The following FGFR2 variants were observed in gnomAD, a reference collection of about 807,000 sequenced individuals.
FGFR2 encodes fibroblast growth factor receptor 2, also known as BEK fibroblast growth factor receptor.
FGFR2 carries 19 observed loss-of-function variants against 95.9 expected under a neutral mutation model. The observed-to-expected ratio is 0.20, with a 90% confidence interval of 0.14 to 0.29. FGFR2 has a LOEUF of 0.29. Ranked by LOEUF, FGFR2 falls within the 10% of genes least tolerant of loss-of-function variation. The probability of loss-of-function intolerance (pLI) is 1.00; values close to 1 mark genes in which losing one functional copy is unlikely to be tolerated. For missense variants in FGFR2, 707 were observed against 1,056.9 expected (o/e 0.67, Z 4.59); for synonymous variants, 392 against 393.3 (o/e 1.00, Z 0.04).
At chr10:121,571,509 G>C (rs567036940) in intron 2 of FGFR2, among the ~76,000 whole-genome samples, 2 of 149,734 alleles carry the variant, frequency 1.3e-5, no homozygotes, top group Non-Finnish European at 3.0e-5. Flanking sequence ...GTTTTACCAC[G>C]TTGCCCAGCC....
rs559688816 is a variant in FGFR2 at position 121,517,374 on chromosome 10, C to T, written c.1029G>A (p.Leu343=). Residue 343 remains leucine (L), a synonymous_variant, in exon 8 of 18, where the codon TTG becomes TTA. Transcript: ENST00000358487. The surrounding 1 kb of genome is among the most constrained non-coding windows in gnomAD (Gnocchi z 4.7). ...AGGATATCCCAATAGAATTACCCGC[C>T]AAGCACGTATATTCCCCAGCGTCCT... ...TFEDAGEYTC[L]AGNSIGISFH... 8 of 1,614,062 alleles carry T rather than the reference C, an allele frequency of 5.0e-6. No homozygotes were observed. Among genetic ancestry groups the T allele is most frequent in the Non-Finnish European group, 6.8e-6 (8 of 1,180,034 alleles).
At position 121,564,421 on chromosome 10, in the gene FGFR2, G is replaced by A. The variant is rs766818649; in HGVS notation, c.454+81C>T. 6.9e-6 allele frequency: 9 copies of A among 1,301,430 alleles called. 1 individual carries two copies. In the South Asian group the frequency reaches 1.1e-4, roughly 15 times the overall value. The allele number at this position is 1,301,430 out of a possible 1,614,324, so 80.6% of individuals were successfully genotyped here. A position where few individuals can be genotyped will look rare whatever the true frequency, so the allele number is the denominator to read the frequency against. On this transcript the variant is annotated intron_variant, in intron 4 of 17. Coordinates refer to ENST00000358487, the MANE Select transcript of FGFR2 (RefSeq NM_000141.5). ...GCGGGACACAGCATGGCGCAGAAGA[G>A]TCGACAAGAAGACAGGTGACAGGCA...
At chr10:121,490,852 G>A (rs1846042064) in intron 13 of FGFR2, among the ~76,000 whole-genome samples, 1 of 152,144 alleles carries the variant, frequency 6.6e-6, no homozygotes, top group Non-Finnish European at 1.5e-5. Context: ...GGGCCTCCCG[G>A]GTAGCCTAAG....
chr10:121,538,064 T>C lies in FGFR2; in HGVS notation c.748+528A>G, dbSNP rs1853118940. On this transcript the variant is annotated intron_variant, in intron 6 of 17. Transcript: ENST00000358487. ...CATGGTTCCCTTTGCACAGAGGAAATAGATGCCAGGAACAGACACTGAATT... is the reference window on the plus strand; with the variant it reads ...CATGGTTCCCTTTGCACAGAGGAAACAGATGCCAGGAACAGACACTGAATT... The C allele has an allele frequency of 1.3e-5, 6 of 473,090 alleles. No individual in the cohort carries two copies. In the South Asian group the frequency reaches 1.7e-4, roughly 13 times the overall value. 29.3% of individuals were successfully genotyped at this position (473,090 alleles called of 1,614,324 possible). A position where few individuals can be genotyped will look rare whatever the true frequency, so the allele number is the denominator to read the frequency against.
chr10:121,571,686 G>T (rs989896888), intron 2 of FGFR2, among the ~76,000 whole-genome samples: 3 of 152,050 alleles, frequency 2.0e-5, no homozygotes, highest in African/African-American at 7.2e-5. Flanking sequence ...GCTCGTGCTT[G>T]TAATCCCAGC....
chr10:121,480,463 C>A lies in FGFR2; in HGVS notation c.2302-442G>T, dbSNP rs3763751. The stretch of plus-strand genomic sequence containing the variant: ...AATGCGAGCCCCAGCAAAATGAAAA[C>A]CGGTAACATGTTGTGGGTCCCCAGA... On this transcript the variant is annotated intron_variant, in intron 17 of 17. Transcript: ENST00000358487. 153 of 281,026 alleles carry A rather than the reference C, an allele frequency of 5.4e-4. 1 individual carries two copies. In the East Asian group the frequency reaches 7.9e-3, roughly 15 times the overall value. The allele number at this position is 281,026 out of a possible 1,614,324, so 17.4% of individuals were successfully genotyped here. A position where few individuals can be genotyped will look rare whatever the true frequency, so the allele number is the denominator to read the frequency against.
At chr10:121,481,029 C>T (rs762046260) in intron 17 of FGFR2, among the ~76,000 whole-genome samples, 2 of 152,092 alleles carry the variant, frequency 1.3e-5, no homozygotes, top group Non-Finnish European at 2.9e-5. Context: ...AGAAGACAGA[C>T]TAGAACACAT....
chr10:121,578,088 C>A (rs1356296619), intron 2 of FGFR2, among the ~76,000 whole-genome samples: 1 of 152,158 alleles, frequency 6.6e-6, no homozygotes, highest in Non-Finnish European at 1.5e-5. Flanking sequence ...CTCCACAAGA[C>A]CTCTGCAATG....
At position 121,528,549 on chromosome 10, in the gene FGFR2, C is replaced by T. The variant is rs1272700589; in HGVS notation, c.749-8380G>A. 5.3e-5 allele frequency among the ~76,000 whole-genome samples: 8 copies of T among 152,184 alleles called. No homozygotes were observed. In the East Asian group the frequency reaches 1.5e-3, roughly 29 times the overall value. ...AAATCTATCATGCTCATCTCTCTCA[C>T]ATGCCTTGTTTTGCTCCTAGGGCGG... On this transcript the variant is annotated intron_variant, in intron 6 of 17. Transcript: ENST00000358487.
chr10:121,571,544 C>T (rs2135216185), intron 2 of FGFR2, among the ~76,000 whole-genome samples: 1 of 148,936 alleles, frequency 6.7e-6, no homozygotes, highest in East Asian at 2.0e-4. Context: ...TCAGCTCAGG[C>T]AATCCACCTG....
rs1270005013 is a variant in FGFR2 at position 121,598,391 on chromosome 10, C to T, written c.-580G>A. 1 of 158,694 alleles carries T rather than the reference C, an allele frequency of 6.3e-6. No individual in the cohort carries two copies. Among genetic ancestry groups the T allele is most frequent in the East Asian group, 1.7e-4 (1 of 6,028 alleles). The allele number at this position is 158,694 out of a possible 1,614,324, so 9.8% of individuals were successfully genotyped here. On this transcript the variant is annotated 5_prime_UTR_variant, in exon 1 of 18. Transcript: ENST00000358487. Reference sequence around the variant, plus strand: ...GAGCTTTGTGGCGGCCGCGCGCGCTCCCTCGCCCGCTCCGCACCCGCCGCC... The same window carrying T: ...GAGCTTTGTGGCGGCCGCGCGCGCTTCCTCGCCCGCTCCGCACCCGCCGCC...
chr10:121,482,771 G>A (rs1017208479), intron 17 of FGFR2, among the ~76,000 whole-genome samples: 14 of 152,182 alleles, frequency 9.2e-5, no homozygotes, highest in Non-Finnish European at 1.8e-4. Flanking sequence ...ACAGACGAGT[G>A]TTTATTTTGT....
chr10:121,574,409 G>T (rs1350108981), intron 2 of FGFR2, among the ~76,000 whole-genome samples: 3 of 152,058 alleles, frequency 2.0e-5, no homozygotes, highest in African/African-American at 7.2e-5. Flanking sequence ...TGTGCCTGTA[G>T]TCCCAGCTAC....
At chr10:121,587,513 A>C (rs1386631331) in intron 2 of FGFR2, among the ~76,000 whole-genome samples, 2 of 152,264 alleles carry the variant, frequency 1.3e-5, no homozygotes, top group Non-Finnish European at 2.9e-5. Context: ...TATGCATCTA[A>C]CAAAGATCTA....
chr10:121,596,548 C>A (rs955706487), intron 1 of FGFR2: 2 of 198,182 alleles, frequency 1.0e-5, no homozygotes, highest in Non-Finnish European at 2.1e-5. Context: ...AAGTGCAGAC[C>A]CATCTCTTCG....
At chr10:121,568,619 G>A (rs17102246) in intron 2 of FGFR2, among the ~76,000 whole-genome samples, 1,584 of 151,474 alleles carry the variant, frequency 0.01, 60 homozygotes, top group East Asian at 0.075. Context: ...GACTCCATTA[G>A]GGGGAAAAAA....
rs41295531 is a variant in FGFR2 at position 121,525,728 on chromosome 10, A to C, written c.749-5559T>G. 7.4e-3 allele frequency among the ~76,000 whole-genome samples: 1,116 copies of C among 151,808 alleles called. 16 individuals carry two copies. Among genetic ancestry groups the C allele is most frequent in the African/African-American group, 0.026 (1,084 of 41,328 alleles). On this transcript the variant is annotated intron_variant, in intron 6 of 17. Transcript: ENST00000358487. ...TTATAACATGCCAGTCCTCCTCTGG[A>C]CATAGTAATATGTTTGCTCATAAGA...
At chr10:121,507,668 G>T (rs1417055371) in intron 9 of FGFR2, among the ~76,000 whole-genome samples, 1 of 152,166 alleles carries the variant, frequency 6.6e-6, no homozygotes, top group African/African-American at 2.4e-5. Context: ...AAAAACTGAT[G>T]AAGTGCTTAG....
chr10:121,497,130 C>CAAA lies in FGFR2; in HGVS notation c.1673-411_1673-409dup, dbSNP rs35537265. On this transcript the variant is annotated intron_variant, in intron 12 of 17. Coordinates refer to ENST00000358487, the MANE Select transcript of FGFR2 (RefSeq NM_000141.5). ...TAGGCAACAGAGCGAGACTTTGTCT[C>CAAA]AAAAAAAAAAAAAAAAAAAGAAGAA... Among the ~76,000 whole-genome samples the CAAA allele has an allele frequency of 3.0e-3, 270 of 91,362 alleles. 1 individual carries two copies. Among genetic ancestry groups the CAAA allele is most frequent in the African/African-American group, 9.8e-3 (257 of 26,214 alleles). 59.9% of individuals were successfully genotyped at this position (91,362 alleles called of 152,430 possible).
Sources: allele counts gnomAD v4.1 joint callset (sites outside exome capture counted in the v4.1 genomes callset), GRCh38; gene constraint gnomAD v4.1.1; non-coding constraint Gnocchi (gnomAD v3.1); transcripts MANE v1.5; gene names NCBI Gene and HGNC (gene_info 2026-07-23, HGNC 2026-07-21).